ACACA: variants seen among roughly 807,000 people sequenced by gnomAD.
ACACA encodes acetyl-CoA carboxylase 1.
In ACACA, 103 loss-of-function variants were observed where a neutral mutation model predicts 296.1. That is an observed-to-expected ratio of 0.35 (90% confidence interval 0.30 to 0.41). ACACA has a LOEUF of 0.41. Among genes scored for constraint, ACACA ranks in the 10% least tolerant of loss-of-function variants. ACACA has a pLI of 1.00. For missense variants in ACACA, 1,554 were observed against 2,989.7 expected, an observed-to-expected ratio of 0.52 and a Z score of 11.20; for synonymous variants, 953 against 1,038.6, an observed-to-expected ratio of 0.92 and a Z score of 1.58.
chr17:37,389,508 A>G (rs1480548154), intron 1 of ACACA: 2 of 1,204,946 alleles, frequency 1.7e-6, no homozygotes, highest in Non-Finnish European at 2.2e-6. Context: ...CCTGACCAAC[A>G]TGACGAAACC....
chr17:37,170,210 G>C (rs1272768268), intron 41 of ACACA, among the ~76,000 whole-genome samples: 1 of 151,976 alleles, frequency 6.6e-6, no homozygotes, highest in Non-Finnish European at 1.5e-5. Flanking sequence ...AATAAGCTAA[G>C]GATAAGCAGA....
chr17:37,087,341 G>T lies in ACACA; in HGVS notation c.7127C>A (p.Ser2376Tyr). ...TQRAEVIRIL[S>Y]TMDSPST ...CTACGTGGAAGGGGAATCCATTGTG[G>T]AGAGGATCCGTATGACTTCTGCTCG... is the stretch of plus-strand genomic sequence containing the variant. Residue 2376 changes from serine to tyrosine, a missense_variant, in exon 56 of 56, where the codon TCC (serine) becomes TAC (tyrosine). Coordinates refer to ENST00000616317, the MANE Select transcript of ACACA (RefSeq NM_198834.3). 2 of 1,614,194 alleles carry T rather than the reference G, an allele frequency of 1.2e-6. No homozygotes were observed. The highest frequency in any genetic ancestry group is 1.7e-6 in the Non-Finnish European group (2 of 1,180,042).
intron 14 of ACACA, among the ~76,000 whole-genome samples, chr17:37,254,385 CCTTT>C (rs1409130721): frequency 2.0e-5 from 3 of 152,164 alleles, no homozygotes; most frequent in Non-Finnish European, 4.4e-5. Flanking sequence ...CCTCTGTCCT[CCTTT>C]CTGTGTCCTC....
intron 5 of ACACA, among the ~76,000 whole-genome samples, chr17:37,280,650 G>C (rs55634235): frequency 1.3e-5 from 2 of 151,540 alleles, no homozygotes; most frequent in African/African-American, 4.9e-5. Flanking sequence ...AACTAGATTC[G>C]CCATAAGTTG....
chr17:37,394,215 C>CTTTTTTTTTTTTTTTTTTTTT, intron 1 of ACACA, among the ~76,000 whole-genome samples: 1 of 144,494 alleles, frequency 6.9e-6, no homozygotes, highest in East Asian at 2.0e-4. Flanking sequence ...TTTTCTTTTT[C>CTTTTTTTTTTTTTTTTTTTTT]TTTTTTTTTT....
Position 37,149,957 on chromosome 17 carries a change from A to G in ACACA, c.5586T>C (p.Ile1862=), listed in dbSNP as rs753120834. 2 of 1,614,204 alleles carry G rather than the reference A, an allele frequency of 1.2e-6. No individual in the cohort carries two copies. The highest frequency in any genetic ancestry group is 1.7e-6 in the Non-Finnish European group (2 of 1,180,014). ...ITISLVTCRA[I]GIGAYLVRLG... ...GCCGGACAAGGTAAGCCCCAATCCC[A>G]ATGGCCCGGCACGTCACCTTAGAAA... Residue 1862 remains isoleucine (I), a synonymous_variant, in exon 45 of 56, where the codon ATT becomes ATC. Coordinates refer to ENST00000616317, the MANE Select transcript of ACACA (RefSeq NM_198834.3).
chr17:37,180,447 T>C (rs1012249546), intron 40 of ACACA, among the ~76,000 whole-genome samples: 4 of 152,330 alleles, frequency 2.6e-5, no homozygotes, highest in South Asian at 2.1e-4. Context: ...CTGGTAGTAT[T>C]GACTAGGAGA....
chr17:37,091,681 G>A (rs751690279), intron 54 of ACACA, among the ~76,000 whole-genome samples: 5 of 151,994 alleles, frequency 3.3e-5, no homozygotes, highest in Non-Finnish European at 5.9e-5. Flanking sequence ...CTGGGCTCAC[G>A]TGATTCTCCT....
At chr17:37,226,595 C>A in intron 25 of ACACA, 143 bp from the exon 26 acceptor site, 1 of 788,966 alleles carries the variant, frequency 1.3e-6, no homozygotes, top group South Asian at 1.5e-5. Context: ...TATTTTTACC[C>A]TAAACAATGT....
chr17:37,272,913 T>C (rs548223588), intron 9 of ACACA, among the ~76,000 whole-genome samples: 16 of 152,254 alleles, frequency 1.1e-4, no homozygotes, highest in Admixed American at 7.8e-4. Context: ...TTGGATGGTG[T>C]GTTTGCATGT....
At position 37,303,890 on chromosome 17, in the gene ACACA, G is replaced by C. The variant is rs559235543; in HGVS notation, c.339-18920C>G. 2.0e-3 allele frequency among the ~76,000 whole-genome samples: 305 copies of C among 152,274 alleles called. 1 individual carries two copies. The highest frequency in any genetic ancestry group is 2.0e-3 in the Non-Finnish European group (137 of 68,014). Reference sequence around the variant, plus strand: ...AGAAAGTGTCAAATTATTTTCCAGAGTGGCTGTATCATTTTACATTCCCAC... The same window carrying C: ...AGAAAGTGTCAAATTATTTTCCAGACTGGCTGTATCATTTTACATTCCCAC... On this transcript the variant is annotated intron_variant, in intron 3 of 55. Coordinates refer to ENST00000616317, the MANE Select transcript of ACACA (RefSeq NM_198834.3).
At chr17:37,300,183 G>A (rs1007179644) in intron 3 of ACACA, among the ~76,000 whole-genome samples, 11 of 152,186 alleles carry the variant, frequency 7.2e-5, no homozygotes, top group African/African-American at 2.7e-4. Context: ...CAAATATTTT[G>A]GAGGTCTAAC....
chr17:37,296,297 G>A (rs1193667306), intron 3 of ACACA, among the ~76,000 whole-genome samples: 5 of 144,032 alleles, frequency 3.5e-5, no homozygotes, highest in African/African-American at 1.3e-4. Flanking sequence ...CAGATCTTTG[G>A]AGCCTTTTTT....
Position 37,161,844 on chromosome 17 carries a change from T to G in ACACA, c.5286A>C (p.Gly1762=). Residue 1762 remains glycine (G), a synonymous_variant, in exon 42 of 56, where the codon GGA becomes GGC. Coordinates refer to ENST00000616317, the MANE Select transcript of ACACA (RefSeq NM_198834.3). ...YVSANSGARI[G]LAEEIRHMFH... ...ACATATGGCGAATTTCTTCTGCCAGTCCGATTCTTGCTCCACTGTTGGCTG... is the reference window on the plus strand; with the variant it reads ...ACATATGGCGAATTTCTTCTGCCAGGCCGATTCTTGCTCCACTGTTGGCTG... 1 of 1,614,116 alleles carries G rather than the reference T, an allele frequency of 6.2e-7. No homozygotes were observed. The highest frequency in any genetic ancestry group is 8.5e-7 in the Non-Finnish European group (1 of 1,180,020).
intron 40 of ACACA, among the ~76,000 whole-genome samples, chr17:37,179,972 C>A (rs982653490): frequency 1.3e-5 from 2 of 152,188 alleles, no homozygotes; most frequent in Non-Finnish European, 2.9e-5. Context: ...TCAATTTTGA[C>A]ACAGACATAC....
intron 1 of ACACA, among the ~76,000 whole-genome samples, chr17:37,356,097 G>A (rs991683810): frequency 2.6e-5 from 4 of 152,058 alleles, no homozygotes; most frequent in Non-Finnish European, 4.4e-5. Context: ...GAACCTGAGA[G>A]GTGGAGGTTG....
intron 9 of ACACA, among the ~76,000 whole-genome samples, chr17:37,271,894 C>T (rs950360600): frequency 6.6e-6 from 1 of 152,134 alleles, no homozygotes; most frequent in Non-Finnish European, 1.5e-5. Flanking sequence ...ATTGCTTGAA[C>T]CTGAGAGGCA....
At chr17:37,371,425 A>C (rs2049802808) in intron 1 of ACACA, among the ~76,000 whole-genome samples, 1 of 152,086 alleles carries the variant, frequency 6.6e-6, no homozygotes, top group Non-Finnish European at 1.5e-5. Context: ...GATTGGGAGG[A>C]GGAAAGAGAC....
At chr17:37,211,591 G>GC (rs1368911579) in intron 29 of ACACA, among the ~76,000 whole-genome samples, 3 of 152,262 alleles carry the variant, frequency 2.0e-5, no homozygotes, top group Non-Finnish European at 4.4e-5. Flanking sequence ...GGGTTTTCTA[G>GC]CACACAGAGG....
Sources: allele counts gnomAD v4.1 joint callset (sites outside exome capture counted in the v4.1 genomes callset), GRCh38; gene constraint gnomAD v4.1.1; transcripts MANE v1.5; gene names NCBI Gene and HGNC (gene_info 2026-07-23, HGNC 2026-07-21).